The following TRAF3 variants were observed in gnomAD, a reference collection of about 807,000 sequenced individuals.
TRAF3 encodes TNF receptor associated factor 3, also known as TNF receptor-associated factor 3.
A neutral mutation model predicts 62.3 loss-of-function variants in TRAF3; 13 were observed. The ratio of observed to expected loss-of-function variants is 0.21; its 90% CI spans 0.14 to 0.33. TRAF3 has a LOEUF of 0.33. TRAF3 is among the 10% of genes least tolerant of loss of function. The probability of loss-of-function intolerance (pLI) is 1.00; values close to 1 mark genes in which losing one functional copy is unlikely to be tolerated. For missense variants in TRAF3, 440 were observed against 741.8 expected (o/e 0.59, Z 4.73); for synonymous variants, 269 against 283.4 (o/e 0.95, Z 0.51).
At chr14:102,789,448 A>G (rs1034084587) in intron 1 of TRAF3, among the ~76,000 whole-genome samples, 1 of 144,898 alleles carries the variant, frequency 6.9e-6, no homozygotes, top group African/African-American at 2.5e-5. Flanking sequence ...CAATTTCAGG[A>G]CATCTTTGCT....
rs953564307 is a variant in TRAF3, at chr14:102,911,211, T to A, written c.*5427T>A. On this transcript the variant is annotated 3_prime_UTR_variant, in exon 12 of 12. Transcript: ENST00000392745. ...TGTGACCAGTGATTTGGGTCCTGTT[T>A]TCCGCTCTTCTAAGAAAAAACAAAA... 7 of 152,326 alleles carry A rather than the reference T, an allele frequency of 4.6e-5. No homozygotes were observed. Among genetic ancestry groups the A allele is most frequent in the African/African-American group, 1.7e-4 (7 of 41,572 alleles). The allele number at this position is 152,326 out of a possible 1,614,324, so 9.4% of individuals were successfully genotyped here.
intron 2 of TRAF3, among the ~76,000 whole-genome samples, chr14:102,845,431 G>A (rs1454389569): frequency 6.6e-6 from 1 of 151,604 alleles, no homozygotes; most frequent in Non-Finnish European, 1.5e-5. Context: ...TCGAACTCCT[G>A]ACCTCAGGTG....
At chr14:102,797,445 GT>G (rs1299901945) in intron 1 of TRAF3, among the ~76,000 whole-genome samples, 1 of 152,166 alleles carries the variant, frequency 6.6e-6, no homozygotes, top group Non-Finnish European at 1.5e-5. Context: ...GAGATTATCT[GT>G]TGGTAAGCCA....
chr14:102,852,190 C>T (rs1396643148), intron 2 of TRAF3, among the ~76,000 whole-genome samples: 2 of 152,086 alleles, frequency 1.3e-5, no homozygotes, highest in African/African-American at 4.8e-5. Flanking sequence ...CTAGACTCAA[C>T]CTCCTGGGCT....
At position 102,905,843 on chromosome 14, in the gene TRAF3, T is replaced by A; in HGVS notation, c.*59T>A. 1 of 1,502,320 alleles carries A rather than the reference T, an allele frequency of 6.7e-7. No individual in the cohort carries two copies. Among genetic ancestry groups the A allele is most frequent in the Non-Finnish European group, 9.2e-7 (1 of 1,089,468 alleles). The allele number at this position is 1,502,320 out of a possible 1,614,324, so 93.1% of individuals were successfully genotyped here. On this transcript the variant is annotated 3_prime_UTR_variant, in exon 12 of 12. Coordinates refer to ENST00000392745, the MANE Select transcript of TRAF3 (RefSeq NM_145725.3). The stretch of plus-strand genomic sequence containing the variant: ...AACTCCTCTGGGGGATTTGAACCGG[T>A]CTGTCTTCACTGAGGTCCTCGCGCT...
intron 1 of TRAF3, among the ~76,000 whole-genome samples, chr14:102,806,705 A>T (rs892292504): frequency 2.0e-5 from 3 of 152,126 alleles, no homozygotes; most frequent in African/African-American, 7.2e-5. Flanking sequence ...AGGGAAGTCC[A>T]TGTGCTGATT....
Position 102,889,562 on chromosome 14 carries a change from G to C in TRAF3, c.654G>C (p.Leu218Phe), listed in dbSNP as rs1889594047. ...CTCACGTCTCTTTCCCGTTGCAGTT[G>C]AGTGCACACTTGTCAGAGTGTGTCA... ...CSVQTLLRSELSAHLSECVNA... is the reference protein window; with the variant it reads ...CSVQTLLRSEFSAHLSECVNA... Residue 218 changes from leucine to phenylalanine, a missense_variant and splice_region_variant, in exon 8 of 12, where the codon TTG becomes TTC. Leu to Phe is a conservative substitution (Grantham distance 22). Transcript: ENST00000392745. 1 of 1,614,170 alleles carries C rather than the reference G, an allele frequency of 6.2e-7. No individual in the cohort carries two copies. The highest frequency in any genetic ancestry group is 1.3e-5 in the African/African-American group (1 of 75,050).
chr14:102,834,394 A>G (rs1051739210), intron 2 of TRAF3, among the ~76,000 whole-genome samples: 6 of 152,198 alleles, frequency 3.9e-5, no homozygotes, highest in Admixed American at 3.3e-4. Context: ...CCACATGCAG[A>G]AGATTGAAAT....
Position 102,903,172 on chromosome 14 carries a change from G to A in TRAF3, c.961-83G>A. On this transcript the variant is annotated intron_variant, in intron 10 of 11. Transcript: ENST00000392745. The surrounding 1 kb of genome is among the most constrained non-coding windows in gnomAD (Gnocchi z 6.4). Reference sequence around the variant, plus strand: ...GGGGCCTCTGACTGTTCTGCTCCTAGCCTGTCTGTATTTGATGGAAGGTGG... The same window carrying A: ...GGGGCCTCTGACTGTTCTGCTCCTAACCTGTCTGTATTTGATGGAAGGTGG... The A allele has an allele frequency of 6.3e-7, 1 of 1,595,848 alleles. No individual in the cohort carries two copies.
intron 1 of TRAF3, among the ~76,000 whole-genome samples, chr14:102,800,154 G>C (rs1898305656): frequency 6.6e-6 from 1 of 152,142 alleles, no homozygotes; most frequent in Non-Finnish European, 1.5e-5. Context: ...TATCAGTTAA[G>C]ACCCTGGAAA....
chr14:102,899,105 A>G (rs1020894772), intron 10 of TRAF3, among the ~76,000 whole-genome samples: 1 of 151,600 alleles, frequency 6.6e-6, no homozygotes, highest in African/African-American at 2.4e-5. Flanking sequence ...ACATGTGAAA[A>G]CTCTTCTCCA....
chr14:102,843,421 T>C (rs1440420006), intron 2 of TRAF3, among the ~76,000 whole-genome samples: 1 of 151,516 alleles, frequency 6.6e-6, no homozygotes, highest in Non-Finnish European at 1.5e-5. Context: ...CACTGCAATC[T>C]CTGTCTCCCG....
At chr14:102,835,096 A>G (rs938176687) in intron 2 of TRAF3, among the ~76,000 whole-genome samples, 11 of 152,188 alleles carry the variant, frequency 7.2e-5, no homozygotes, top group African/African-American at 2.7e-4. Flanking sequence ...GGCAAAGGGC[A>G]TGCACAGTTA....
chr14:102,877,654 G>A (rs1888782304), intron 6 of TRAF3, among the ~76,000 whole-genome samples: 1 of 148,576 alleles, frequency 6.7e-6, no homozygotes, highest in African/African-American at 2.5e-5. Flanking sequence ...CCGTTCCACA[G>A]GCCTTCCGCT....
intron 2 of TRAF3, among the ~76,000 whole-genome samples, chr14:102,842,096 T>A (rs1178082680): frequency 2.6e-5 from 4 of 151,424 alleles, no homozygotes; most frequent in Admixed American, 2.6e-4. Context: ...AATACAAAAA[T>A]TAGCCGGGCG....
In TRAF3 at chr14:102,839,223, T is replaced by C. The variant is rs1347804821; in HGVS notation, c.-18+8751T>C. Among the ~76,000 whole-genome samples, 5 of 139,886 alleles carry C rather than the reference T, an allele frequency of 3.6e-5. No individual in the cohort carries two copies. In the East Asian group the frequency reaches 8.0e-4, roughly 22 times the overall value. The allele number at this position is 139,886 out of a possible 152,430, so 91.8% of individuals were successfully genotyped here. On this transcript the variant is annotated intron_variant, in intron 2 of 11. Coordinates refer to ENST00000392745, the MANE Select transcript of TRAF3 (RefSeq NM_145725.3). ...TGGTTGATTTGCCTTTTTTTTTTTT[T>C]TTTTTTTTTTTTTTTGAAACAGTCT...
In TRAF3 at chr14:102,895,555, A is replaced by G. The variant is rs146749796; in HGVS notation, c.820-1706A>G. Among the ~76,000 whole-genome samples, 606 of 152,270 alleles carry G rather than the reference A, an allele frequency of 4.0e-3. 7 individuals are homozygous for G. Among genetic ancestry groups the G allele is most frequent in the African/African-American group, 0.014 (563 of 41,558 alleles). ...ACGCATTGGTGGTTTTAGAGCGTAC[A>G]TCGTTGGAGAGGCACACATCGGATC... On this transcript the variant is annotated intron_variant, in intron 9 of 11. Transcript: ENST00000392745.
chr14:102,810,290 C>G lies in TRAF3; in HGVS notation c.-156-20044C>G, dbSNP rs544080420. On this transcript the variant is annotated intron_variant, in intron 1 of 11. Coordinates refer to ENST00000392745, the MANE Select transcript of TRAF3 (RefSeq NM_145725.3). ...TGCAGTGGGAGAGAGAGTATAGATA[C>G]TGTTCATCACACCCAGTGCAGTCGG... Among the ~76,000 whole-genome samples the G allele has an allele frequency of 2.3e-4, 35 of 152,214 alleles. 1 individual carries two copies. Among genetic ancestry groups the G allele is most frequent in the African/African-American group, 8.2e-4 (34 of 41,510 alleles).
In TRAF3 at chr14:102,844,131, G is replaced by A. The variant is rs928328832; in HGVS notation, c.-18+13659G>A. ...GATTGAGGGAATGCTGGGAATGTGTGTAAACACATACATATGTTGTCATGT... is the reference window on the plus strand; with the variant it reads ...GATTGAGGGAATGCTGGGAATGTGTATAAACACATACATATGTTGTCATGT... On this transcript the variant is annotated intron_variant, in intron 2 of 11. Coordinates refer to ENST00000392745, the MANE Select transcript of TRAF3 (RefSeq NM_145725.3). Among the ~76,000 whole-genome samples the A allele has an allele frequency of 4.6e-5, 7 of 152,214 alleles. 1 individual carries two copies. The highest frequency in any genetic ancestry group is 1.7e-4 in the African/African-American group (7 of 41,458).
Sources: gnomAD v4.1 joint callset for allele counts (sites outside exome capture counted in the v4.1 genomes callset) on GRCh38, gnomAD v4.1.1 for gene constraint, Gnocchi (gnomAD v3.1) non-coding constraint, MANE v1.5 for transcripts, NCBI Gene and HGNC (gene_info 2026-07-23, HGNC 2026-07-21) for gene names.